STX8: variants seen among roughly 807,000 people sequenced by gnomAD.
STX8 encodes syntaxin-8.
STX8 carries 23 observed loss-of-function variants against 37.5 expected under a neutral mutation model. That is an observed-to-expected ratio of 0.61 (90% CI 0.44 to 0.87). The LOEUF (loss-of-function observed/expected upper bound fraction) is 0.87. STX8 is among the 40% of genes least tolerant of loss of function. STX8 has a pLI of 0.00. For missense variants in STX8, 313 were observed against 284.7 expected (o/e 1.10, Z -0.71); for synonymous variants, 115 against 99.1 (o/e 1.16, Z -0.95).
chr17:9,547,627 C>CAA (rs11377271), intron 3 of STX8, among the ~76,000 whole-genome samples: 8,911 of 53,048 alleles, frequency 0.17, 1,506 homozygotes, highest in South Asian at 0.26. Context: ...GACTCCGTCT[C>CAA]AAAAAAAAAA....
At chr17:9,574,227 C>T (rs747021039) in intron 1 of STX8, among the ~76,000 whole-genome samples, 5 of 150,100 alleles carry the variant, frequency 3.3e-5, no homozygotes, top group Non-Finnish European at 7.4e-5. Context: ...GCCATGATCG[C>T]GCCATTGCAC....
intron 7 of STX8, among the ~76,000 whole-genome samples, chr17:9,349,101 C>G (rs545640797): frequency 3.3e-5 from 5 of 152,180 alleles, no homozygotes; most frequent in African/African-American, 1.2e-4. Context: ...AAGTGATTCT[C>G]CTGCCTCAGC....
chr17:9,510,017 G>C (rs980529839), intron 4 of STX8, among the ~76,000 whole-genome samples: 2 of 152,092 alleles, frequency 1.3e-5, no homozygotes, highest in Non-Finnish European at 2.9e-5. Context: ...CAAGTCAAAA[G>C]TTGTGAAATT....
chr17:9,479,700 T>C (rs1442412666), intron 6 of STX8, among the ~76,000 whole-genome samples: 1 of 151,628 alleles, frequency 6.6e-6, no homozygotes, highest in Non-Finnish European at 1.5e-5. Context: ...TAGACAAAAT[T>C]ACAGAATCCA....
chr17:9,382,052 A>G (rs1911842320), intron 6 of STX8, among the ~76,000 whole-genome samples: 2 of 152,154 alleles, frequency 1.3e-5, no homozygotes, highest in Non-Finnish European at 2.9e-5. Flanking sequence ...CATTTTCTAT[A>G]CAATACTCAG....
chr17:9,439,911 A>G (rs1170485324), intron 6 of STX8, among the ~76,000 whole-genome samples: 1 of 151,914 alleles, frequency 6.6e-6, no homozygotes, highest in Non-Finnish European at 1.5e-5. Context: ...TTCCTTTTCA[A>G]TTCTCACCCC....
intron 7 of STX8, among the ~76,000 whole-genome samples, chr17:9,296,481 A>C (rs927992643): frequency 4.1e-5 from 6 of 145,506 alleles, no homozygotes; most frequent in African/African-American, 1.3e-4. Flanking sequence ...CTAGGCAACG[A>C]GAGTGAAACT....
intron 7 of STX8, among the ~76,000 whole-genome samples, chr17:9,315,735 G>A (rs1909362476): frequency 6.6e-6 from 1 of 152,140 alleles, no homozygotes; most frequent in Non-Finnish European, 1.5e-5. Context: ...AAAGCTGGTG[G>A]GCATGGTGGC....
At chr17:9,424,086 C>A (rs976961107) in intron 6 of STX8, among the ~76,000 whole-genome samples, 3 of 152,152 alleles carry the variant, frequency 2.0e-5, no homozygotes, top group Non-Finnish European at 4.4e-5. Context: ...CTACCCCAGG[C>A]TGTGAAAGAA....
intron 4 of STX8, among the ~76,000 whole-genome samples, chr17:9,527,041 C>T (rs1226106703): frequency 2.8e-5 from 4 of 143,148 alleles, no homozygotes; most frequent in African/African-American, 7.8e-5. Flanking sequence ...TAGCCGGGCG[C>T]GGTGGCGGGC....
intron 6 of STX8, among the ~76,000 whole-genome samples, chr17:9,461,917 T>C (rs1293030834): frequency 1.3e-5 from 2 of 152,082 alleles, no homozygotes; most frequent in African/African-American, 4.8e-5. Flanking sequence ...AACCTAGATT[T>C]CCCTTGTATG....
intron 7 of STX8, among the ~76,000 whole-genome samples, chr17:9,313,595 G>A (rs1909270486): frequency 6.6e-6 from 1 of 152,190 alleles, no homozygotes; most frequent in Non-Finnish European, 1.5e-5. Flanking sequence ...CTGATCCCCT[G>A]TGCACAGCTA....
rs1378446621 is a variant in STX8, at chr17:9,546,098, G to C, written c.213-816C>G. ...TGTTAATATCTATTAACACACCTAG[G>C]ATATTTATAAAGTGCTACTTTATGC... On this transcript the variant is annotated intron_variant, in intron 3 of 7. Coordinates refer to ENST00000306357, the MANE Select transcript of STX8 (RefSeq NM_004853.3). 2.0e-5 allele frequency among the ~76,000 whole-genome samples: 3 copies of C among 152,042 alleles called. No homozygotes were observed. The East Asian group carries it at 5.8e-4, about 29-fold the overall frequency.
chr17:9,420,911 A>G (rs1414352005), intron 6 of STX8, among the ~76,000 whole-genome samples: 5 of 152,158 alleles, frequency 3.3e-5, no homozygotes, highest in African/African-American at 9.7e-5. Flanking sequence ...TGTGCCTTTA[A>G]GTACATTAGG....
At position 9,495,909 on chromosome 17, in the gene STX8, T is replaced by C. The variant is rs575363942; in HGVS notation, c.449-3988A>G. On this transcript the variant is annotated intron_variant, in intron 5 of 7. Transcript: ENST00000306357. ...AATATAAATAATCAAGAACCATGCA[T>C]GGGCATGGTGGTGTGCGCCTGTAGT... is the stretch of plus-strand genomic sequence containing the variant. Among the ~76,000 whole-genome samples the C allele has an allele frequency of 2.0e-5, 3 of 152,200 alleles. No homozygotes were observed. In the East Asian group the frequency reaches 5.8e-4, roughly 29 times the overall value.
At position 9,325,883 on chromosome 17, in the gene STX8, G is replaced by C. The variant is rs193107142; in HGVS notation, c.643+52669C>G. Reference sequence around the variant, plus strand: ...GTGCAATGACTCTGGAGTGTGCAATGCTTAAAGTATGAAAGGAGAGTGGAA... The same window carrying C: ...GTGCAATGACTCTGGAGTGTGCAATCCTTAAAGTATGAAAGGAGAGTGGAA... On this transcript the variant is annotated intron_variant, in intron 7 of 7. Coordinates refer to ENST00000306357, the MANE Select transcript of STX8 (RefSeq NM_004853.3). Among the ~76,000 whole-genome samples the C allele has an allele frequency of 1.2e-3, 176 of 152,342 alleles. 1 individual carries two copies. The highest frequency in any genetic ancestry group is 6.8e-3 in the Middle Eastern group (2 of 294).
intron 7 of STX8, among the ~76,000 whole-genome samples, chr17:9,295,754 A>T (rs533046040): frequency 6.6e-6 from 1 of 151,180 alleles, no homozygotes; most frequent in Non-Finnish European, 1.5e-5. Flanking sequence ...CTCCCCCCCA[A>T]AAAAAGGAGG....
At chr17:9,444,919 A>T (rs1020448795) in intron 6 of STX8, among the ~76,000 whole-genome samples, 1 of 152,200 alleles carries the variant, frequency 6.6e-6, no homozygotes, top group African/African-American at 2.4e-5. Context: ...TTGTAGAAGC[A>T]AACATGTTGC....
At chr17:9,406,671 G>T (rs1912813620) in intron 6 of STX8, among the ~76,000 whole-genome samples, 1 of 152,196 alleles carries the variant, frequency 6.6e-6, no homozygotes, top group Non-Finnish European at 1.5e-5. Context: ...TGATAAAATA[G>T]ATGAGCATCT....
Sources: gnomAD v4.1 joint callset for allele counts (sites outside exome capture counted in the v4.1 genomes callset) on GRCh38, gnomAD v4.1.1 for gene constraint, MANE v1.5 for transcripts, NCBI Gene and HGNC (gene_info 2026-07-23, HGNC 2026-07-21) for gene names.